SLK: variants seen among roughly 807,000 people sequenced by gnomAD.
SLK encodes STE20-like serine/threonine-protein kinase.
A neutral mutation model predicts 147.7 loss-of-function variants in SLK; 67 were observed. That is an observed-to-expected ratio of 0.45 (90% CI 0.37 to 0.56). The LOEUF (loss-of-function observed/expected upper bound fraction) is 0.56, where lower values mean the gene tolerates loss of function less well. Ranked by LOEUF, SLK falls within the 20% of genes least tolerant of loss-of-function variation. The pLI is 0.00. For missense variants in SLK, 1,136 were observed against 1,438.8 expected, an observed-to-expected ratio of 0.79 and a Z score of 3.41; for synonymous variants, 441 against 475.0, an observed-to-expected ratio of 0.93 and a Z score of 0.93.
intron 13 of SLK, among the ~76,000 whole-genome samples, chr10:104,016,294 G>A (rs1844464997): frequency 6.6e-6 from 1 of 151,924 alleles, no homozygotes; most frequent in African/African-American, 2.4e-5. Context: ...ATTCCAGCCT[G>A]GGTGACAGAG....
At chr10:104,010,932 C>T (rs1165651817) in intron 13 of SLK, 24 bp downstream of exon 13, 15 of 1,472,738 alleles carry the variant, frequency 1.0e-5, no homozygotes, top group Admixed American at 2.4e-5. Context: ...CTTAATGCTA[C>T]TAAAACCAGA....
intron 1 of SLK, among the ~76,000 whole-genome samples, chr10:103,986,397 C>T (rs183324848): frequency 1.4e-4 from 21 of 152,168 alleles, no homozygotes; most frequent in Non-Finnish European, 2.4e-4. Context: ...CCCTCACATA[C>T]GCAGTTCACA....
chr10:104,014,537 G>A (rs1387820261), intron 13 of SLK, among the ~76,000 whole-genome samples: 1 of 151,990 alleles, frequency 6.6e-6, no homozygotes, highest in Non-Finnish European at 1.5e-5. Context: ...ACTTTTTACT[G>A]TTTTCTAAGA....
At chr10:103,995,761 T>A (rs149861714) in intron 4 of SLK, among the ~76,000 whole-genome samples, 1 of 152,120 alleles carries the variant, frequency 6.6e-6, no homozygotes, top group Non-Finnish European at 1.5e-5. Flanking sequence ...CTGGTTTCTT[T>A]TAGTAGAATA....
intron 7 of SLK, 33 bp from the exon 8 acceptor site, chr10:104,001,411 G>A (rs756948175): frequency 2.5e-6 from 4 of 1,574,092 alleles, no homozygotes; most frequent in Admixed American, 1.7e-5. Flanking sequence ...TAGTATTCCA[G>A]TTGTTGAGTA....
intron 1 of SLK, among the ~76,000 whole-genome samples, chr10:103,975,519 A>C (rs898902498): frequency 2.5e-5 from 1 of 39,220 alleles, no homozygotes; most frequent in African/African-American, 1.8e-4. Context: ...CAAAGCTGCT[A>C]TCATCTCTTA....
rs958384527 is a variant in SLK at position 103,983,599 on chromosome 10, T to G, written c.151-7076T>G. Among the ~76,000 whole-genome samples, 3 of 152,122 alleles carry G rather than the reference T, an allele frequency of 2.0e-5. No individual in the cohort carries two copies. The South Asian group carries it at 6.2e-4, about 32-fold the overall frequency. ...GCAAGGAGAAGGAGGAAGAAATGAC[T>G]TACACCTTTGTCTTGTTTCCTGTGA... is the stretch of plus-strand genomic sequence containing the variant. On this transcript the variant is annotated intron_variant, in intron 1 of 18. Coordinates refer to ENST00000369755, the MANE Select transcript of SLK (RefSeq NM_014720.4).
In SLK at chr10:104,021,668, G is replaced by A. The variant is rs1391060061; in HGVS notation, c.3496G>A (p.Glu1166Lys). 6.2e-7 allele frequency: 1 copy of A among 1,611,472 alleles called. No homozygotes were observed. The highest frequency in any genetic ancestry group is 8.5e-7 in the Non-Finnish European group (1 of 1,178,564). The part of the protein sequence containing the change: ...LVEHETQKLK[E>K]LDEEHSQELK... ...TGAGCATGAGACTCAGAAACTGAAG[G>A]AGTTAGATGAGGAACATAGCCAAGA... Residue 1166 changes from glutamate (E) to lysine (K), a missense_variant, in exon 18 of 19, where the codon GAG becomes AAG. Glu to Lys is a moderately conservative substitution (Grantham distance 56). This residue lies in a region of SLK where 327 missense variants were observed against 457.5 expected (regional missense o/e 0.71). Transcript: ENST00000369755.
In SLK at chr10:103,993,052, T is replaced by C; in HGVS notation, c.433T>C (p.Tyr145His). Residue 145 changes from tyrosine (Y) to histidine (H), a missense_variant, in exon 4 of 19, where the codon TAC (tyrosine) becomes CAC (histidine). Around this residue, in one of 6 missense-constraint regions of SLK, gnomAD observed 141 missense variants for 219.3 expected, o/e 0.64. Coordinates refer to ENST00000369755, the MANE Select transcript of SLK (RefSeq NM_014720.4). ...CAAGCAGACTTTAGATGCATTGAAC[T>C]ACTTACATGATAATAAGATCATCCA... ...VCKQTLDALN[Y>H]LHDNKIIHRD... 1.9e-6 allele frequency: 3 copies of C among 1,610,724 alleles called. No homozygotes were observed. Among genetic ancestry groups the C allele is most frequent in the Non-Finnish European group, 2.5e-6 (3 of 1,177,370 alleles).
intron 2 of SLK, among the ~76,000 whole-genome samples, chr10:103,991,845 G>A (rs184862612): frequency 2.0e-5 from 3 of 151,964 alleles, no homozygotes; most frequent in East Asian, 3.9e-4. Context: ...CAGGGCTGTC[G>A]CAGAATGTTT....
At position 104,005,611 on chromosome 10, in the gene SLK, T is replaced by C. The variant is rs371482953; in HGVS notation, c.2400T>C (p.Val800=). The C allele has an allele frequency of 3.7e-5, 60 of 1,606,618 alleles. No homozygotes were observed. The highest frequency in any genetic ancestry group is 4.8e-5 in the Non-Finnish European group (57 of 1,177,304). The stretch of plus-strand genomic sequence containing the variant: ...TGAAGAAAACACGCAAATTTATTGT[T>C]GATGGTGTAGAAGTGAGTGTAACAA... The part of the protein sequence containing the change: ...KTLKKTRKFI[V]DGVEVSVTTS... The change falls in exon 10 of 19, where the codon GTT becomes GTC. Residue 800 remains valine (V), a synonymous_variant. Coordinates refer to ENST00000369755, the MANE Select transcript of SLK (RefSeq NM_014720.4).
At chr10:104,019,663 C>A in intron 15 of SLK, 71 bp from the exon 16 acceptor site, 3 of 1,133,340 alleles carry the variant, frequency 2.6e-6, no homozygotes, top group Non-Finnish European at 3.9e-6. Context: ...AACAAAATGA[C>A]ATATTTGAAT....
chr10:103,969,032 G>T (rs899089941), intron 1 of SLK, among the ~76,000 whole-genome samples: 6 of 151,960 alleles, frequency 3.9e-5, no homozygotes, highest in African/African-American at 1.5e-4. Flanking sequence ...GCAATAGCGC[G>T]ATCTCGGCTC....
At chr10:103,968,262 C>T (rs936070424) in intron 1 of SLK, among the ~76,000 whole-genome samples, 3 of 152,238 alleles carry the variant, frequency 2.0e-5, no homozygotes, top group African/African-American at 7.2e-5. Flanking sequence ...CTACTGACTG[C>T]ATTCGCGTGC....
At chr10:104,024,370 A>G (rs1844571734) in intron 18 of SLK, among the ~76,000 whole-genome samples, 1 of 152,206 alleles carries the variant, frequency 6.6e-6, no homozygotes. Context: ...CTTCAGTTCC[A>G]TCAGAGTAAA....
chr10:103,990,985 A>G, intron 2 of SLK, 146 bp downstream of exon 2: 1 of 418,402 alleles, frequency 2.4e-6, no homozygotes. Context: ...ATCTGCTGAT[A>G]AGAGAGTAAT....
chr10:103,982,789 A>G (rs1843963201), intron 1 of SLK, among the ~76,000 whole-genome samples: 1 of 152,196 alleles, frequency 6.6e-6, no homozygotes, highest in South Asian at 2.1e-4. Flanking sequence ...ACAAGGTGAC[A>G]CTGCCTTGAT....
chr10:103,971,541 G>T (rs752945663), intron 1 of SLK, among the ~76,000 whole-genome samples: 1 of 152,088 alleles, frequency 6.6e-6, no homozygotes, highest in Non-Finnish European at 1.5e-5. Context: ...CAAAGTGTTG[G>T]GATTAGAGGC....
intron 1 of SLK, among the ~76,000 whole-genome samples, chr10:103,981,465 T>C (rs1351009859): frequency 6.6e-6 from 1 of 152,132 alleles, no homozygotes; most frequent in Non-Finnish European, 1.5e-5. Context: ...CTGAGAGTTT[T>C]ATAGTTTTAG....
Sources: allele counts gnomAD v4.1 joint callset (sites outside exome capture counted in the v4.1 genomes callset), GRCh38; gene constraint gnomAD v4.1.1; regional missense constraint gnomAD v4.1.1; transcripts MANE v1.5; gene names NCBI Gene and HGNC (gene_info 2026-07-23, HGNC 2026-07-21).